The following SVOP variants were observed in gnomAD, a reference collection of about 807,000 sequenced individuals.
SVOP encodes SV2 related protein.
In SVOP, 17 loss-of-function variants were observed where a neutral mutation model predicts 69.1. That is an observed-to-expected ratio of 0.25 (90% CI 0.17 to 0.37). The LOEUF is 0.37. SVOP is among the 10% of genes least tolerant of loss of function. The pLI, the probability that SVOP is intolerant of heterozygous loss-of-function variation, is 1.00. For synonymous variants in SVOP, 238 were observed against 238.6 expected (o/e 1.00, Z 0.02); for missense variants, 435 against 597.5 (o/e 0.73, Z 2.84).
intron 11 of SVOP, among the ~76,000 whole-genome samples, chr12:108,928,275 T>A (rs11114100): frequency 0.13 from 19,288 of 151,680 alleles, 1,780 homozygotes; most frequent in Admixed American, 0.29. Context: ...CTTTTTAAAA[T>A]TTCATCCTCA....
intron 1 of SVOP, among the ~76,000 whole-genome samples, chr12:108,998,845 C>T (rs1222109976): frequency 2.6e-5 from 4 of 151,660 alleles, no homozygotes; most frequent in East Asian, 3.9e-4. Context: ...CGGTACCAGC[C>T]GTTGCAAAAT....
chr12:108,977,586 G>A lies in SVOP; in HGVS notation c.283-90C>T, dbSNP rs373930110. 5.5e-5 allele frequency: 44 copies of A among 804,150 alleles called. No homozygotes were observed. In the East Asian group the frequency reaches 1.2e-3, roughly 21 times the overall value. The allele number at this position is 804,150 out of a possible 1,614,324, so 49.8% of individuals were successfully genotyped here. A position where few individuals can be genotyped will look rare whatever the true frequency, so the allele number is the denominator to read the frequency against. On this transcript the variant is annotated intron_variant, in intron 3 of 15. Transcript: ENST00000610966. ...GTCCATAACCCCAGAGACAGAGACT[G>A]TAGCACACCCCTCTCTACCCATTGC...
At chr12:108,973,543 C>A (rs892462361) in intron 4 of SVOP, among the ~76,000 whole-genome samples, 2 of 151,968 alleles carry the variant, frequency 1.3e-5, no homozygotes, top group Admixed American at 1.3e-4. Flanking sequence ...AGGTGTGCAC[C>A]ACCATGCCTA....
intron 1 of SVOP, among the ~76,000 whole-genome samples, chr12:109,010,098 T>C (rs2040332091): frequency 6.8e-6 from 1 of 146,302 alleles, no homozygotes; most frequent in Non-Finnish European, 1.5e-5. Context: ...CACTCCAGCC[T>C]GGGCAACAGA....
rs189013188 is a variant in SVOP at position 108,931,741 on chromosome 12, G to C, written c.1048+2454C>G. 7.8e-3 allele frequency among the ~76,000 whole-genome samples: 1,187 copies of C among 152,150 alleles called. 17 individuals are homozygous for C. The highest frequency in any genetic ancestry group is 0.027 in the African/African-American group (1,140 of 41,526). On this transcript the variant is annotated intron_variant, in intron 11 of 15. Coordinates refer to ENST00000610966, the MANE Select transcript of SVOP (RefSeq NM_018711.5). ...CCCAGCTACTCGGGAGGCTGAGGCA[G>C]GAGAATAACTTGAACCCGGGAGGTG...
At chr12:108,954,327 C>A (rs781053947) in intron 6 of SVOP, among the ~76,000 whole-genome samples, 1 of 151,952 alleles carries the variant, frequency 6.6e-6, no homozygotes, top group Non-Finnish European at 1.5e-5. Flanking sequence ...TGGTAATACA[C>A]GTAAAGCACA....
At chr12:108,924,020 T>TG (rs1455063921) in intron 11 of SVOP, among the ~76,000 whole-genome samples, 1 of 152,182 alleles carries the variant, frequency 6.6e-6, no homozygotes, top group African/African-American at 2.4e-5. Context: ...GTAGGGACTT[T>TG]GGGGAAGTGA....
chr12:108,941,027 G>T, intron 7 of SVOP, 118 bp from the exon 8 acceptor site: 1 of 1,372,048 alleles, frequency 7.3e-7, no homozygotes, highest in East Asian at 2.5e-5. Context: ...AGTCAGTAAG[G>T]TTAGAATAGC....
chr12:108,998,994 C>G, intron 1 of SVOP, among the ~76,000 whole-genome samples: 4 of 143,832 alleles, frequency 2.8e-5, no homozygotes, highest in African/African-American at 7.8e-5. Context: ...ACTAAATTCT[C>G]CAATTAAAAG....
intron 2 of SVOP, among the ~76,000 whole-genome samples, chr12:108,982,703 A>G (rs2040144607): frequency 6.6e-6 from 1 of 150,960 alleles, no homozygotes. Flanking sequence ...CACCATCATC[A>G]TCACTGTCAC....
intron 1 of SVOP, among the ~76,000 whole-genome samples, chr12:109,018,298 T>G (rs1287420441): frequency 6.6e-6 from 1 of 152,156 alleles, no homozygotes; most frequent in African/African-American, 2.4e-5. Flanking sequence ...GTGGACAGCA[T>G]GTGAAAAACA....
At chr12:109,015,982 C>A (rs2040365849) in intron 1 of SVOP, among the ~76,000 whole-genome samples, 1 of 152,186 alleles carries the variant, frequency 6.6e-6, no homozygotes, top group African/African-American at 2.4e-5. Context: ...CACCAGACAT[C>A]TTCTTAGTGT....
chr12:108,989,705 G>T (rs1295454297), intron 1 of SVOP, among the ~76,000 whole-genome samples: 1 of 152,208 alleles, frequency 6.6e-6, no homozygotes, highest in Non-Finnish European at 1.5e-5. Context: ...CAATAGCTGG[G>T]GGAGTGCCAG....
intron 1 of SVOP, among the ~76,000 whole-genome samples, chr12:109,011,002 C>A (rs142819371): frequency 0.065 from 9,901 of 152,136 alleles, 362 homozygotes; most frequent in Middle Eastern, 0.14. Flanking sequence ...TCAACCTCTG[C>A]CTCCTGGTTT....
At chr12:108,972,285 A>T in intron 5 of SVOP, 120 bp downstream of exon 5, 1 of 910,804 alleles carries the variant, frequency 1.1e-6, no homozygotes. Flanking sequence ...TTCTCACTGT[A>T]CTTCAACATC....
At chr12:108,980,472 G>A (rs1372464030) in intron 2 of SVOP, among the ~76,000 whole-genome samples, 1 of 152,180 alleles carries the variant, frequency 6.6e-6, no homozygotes, top group Admixed American at 6.5e-5. Context: ...AATACAGCCA[G>A]GTGTGGTGGC....
chr12:108,955,098 T>C (rs902006935), intron 6 of SVOP, among the ~76,000 whole-genome samples: 1 of 152,230 alleles, frequency 6.6e-6, no homozygotes, highest in African/African-American at 2.4e-5. Flanking sequence ...AAATAGAAAA[T>C]GTCACTTCTC....
intron 6 of SVOP, among the ~76,000 whole-genome samples, chr12:108,948,304 C>A (rs143579673): frequency 0.057 from 8,687 of 152,302 alleles, 337 homozygotes; most frequent in Non-Finnish European, 0.084. Flanking sequence ...GGAATCTCTG[C>A]CCCCAGTTCT....
chr12:108,949,653 T>C (rs2039943757), intron 6 of SVOP, among the ~76,000 whole-genome samples: 1 of 152,018 alleles, frequency 6.6e-6, no homozygotes, highest in African/African-American at 2.4e-5. Context: ...TCCCTTCTCT[T>C]TCCTTCCCTC....
Sources: gnomAD v4.1 joint callset for allele counts (sites outside exome capture counted in the v4.1 genomes callset) on GRCh38, gnomAD v4.1.1 for gene constraint, MANE v1.5 for transcripts, NCBI Gene and HGNC (gene_info 2026-07-23, HGNC 2026-07-21) for gene names.